The following ODAD2 variants were observed in gnomAD, a reference collection of about 807,000 sequenced individuals.
The protein encoded by ODAD2 is outer dynein arm docking complex subunit 2.
ODAD2 carries 89 observed loss-of-function variants against 106.8 expected under a neutral mutation model. The ratio of observed to expected loss-of-function variants is 0.83; its 90% CI spans 0.70 to 0.99. The LOEUF is 0.99. ODAD2 is among the 50% of genes least tolerant of loss of function. The pLI is 0.00. For synonymous variants in ODAD2, 404 were observed against 436.2 expected (o/e 0.93, Z 0.92); for missense variants, 1,168 against 1,238.5 (o/e 0.94, Z 0.85).
intron 17 of ODAD2, among the ~76,000 whole-genome samples, chr10:27,898,582 T>C (rs779818237): frequency 2.6e-5 from 4 of 152,184 alleles, no homozygotes; most frequent in Non-Finnish European, 4.4e-5. Flanking sequence ...AGATTATCCT[T>C]CAAGGATTTG....
At chr10:27,834,567 C>T (rs1403391493) in intron 19 of ODAD2, among the ~76,000 whole-genome samples, 2 of 152,032 alleles carry the variant, frequency 1.3e-5, no homozygotes, top group Non-Finnish European at 2.9e-5. Flanking sequence ...ATCCAGGGGA[C>T]TGTGCTACGA....
At chr10:27,888,463 G>A (rs1400992994) in intron 17 of ODAD2, among the ~76,000 whole-genome samples, 2 of 151,994 alleles carry the variant, frequency 1.3e-5, no homozygotes, top group Admixed American at 6.6e-5. Context: ...CTATTTGTAC[G>A]TCTTCTTTTG....
chr10:27,864,752 G>A (rs1264189561), intron 17 of ODAD2, among the ~76,000 whole-genome samples: 2 of 151,958 alleles, frequency 1.3e-5, no homozygotes, highest in Non-Finnish European at 1.5e-5. Context: ...GGGGGTGAGT[G>A]TAATGTCCAC....
chr10:27,935,221 C>G lies in ODAD2; in HGVS notation c.2284G>C (p.Val762Leu), dbSNP rs201498403. ...TCAGGCTGATCTGTTAGAAGTCCCA[C>G]CAAGGTTTCAATGGCTTTGTATTCC... ...FREYKAIETLVGLLTDQPEEV... is the reference protein window; with the variant it reads ...FREYKAIETLLGLLTDQPEEV... Residue 762 changes from valine to leucine, a missense_variant, in exon 16 of 20, where the codon GTG becomes CTG. Val to Leu is a conservative substitution (Grantham distance 32, BLOSUM62 1). Transcript: ENST00000305242. 259 of 1,613,836 alleles carry G rather than the reference C, an allele frequency of 1.6e-4. 1 individual carries two copies. Among genetic ancestry groups the G allele is most frequent in the Non-Finnish European group, 2.0e-4 (236 of 1,179,860 alleles).
Position 27,936,770 on chromosome 10 carries a change from T to G in ODAD2, c.2208A>C (p.Thr736=), listed in dbSNP as rs757741852. 2 of 1,614,082 alleles carry G rather than the reference T, an allele frequency of 1.2e-6. No individual in the cohort carries two copies. Among genetic ancestry groups the G allele is most frequent in the East Asian group, 4.5e-5 (2 of 44,882 alleles). ...TDNKERLAAV[T]GAIWKCSISK... ...TGATGGAACATTTCCATATAGCCCCTGTGACAGCAGCTAACCGCTCTTTAT... is the reference window on the plus strand; with the variant it reads ...TGATGGAACATTTCCATATAGCCCCGGTGACAGCAGCTAACCGCTCTTTAT... The change falls in exon 15 of 20, where the codon ACA becomes ACC. Residue 736 remains threonine, a synonymous_variant. Coordinates refer to ENST00000305242, the MANE Select transcript of ODAD2 (RefSeq NM_018076.5).
At chr10:27,945,254 T>A (rs1461331137) in intron 10 of ODAD2, among the ~76,000 whole-genome samples, 1 of 152,212 alleles carries the variant, frequency 6.6e-6, no homozygotes, top group Non-Finnish European at 1.5e-5. Flanking sequence ...GACTGAGGAA[T>A]GCAAGATGTA....
intron 10 of ODAD2, among the ~76,000 whole-genome samples, chr10:27,947,255 C>T (rs1234969581): frequency 6.6e-6 from 1 of 152,092 alleles, no homozygotes. Context: ...TAAGCCAGTA[C>T]TTCCATTTCC....
At chr10:27,896,075 A>G (rs746585462) in intron 17 of ODAD2, among the ~76,000 whole-genome samples, 27 of 152,210 alleles carry the variant, frequency 1.8e-4, no homozygotes, top group Non-Finnish European at 3.1e-4. Context: ...TTTTGCTCAC[A>G]TATCCCAATG....
chr10:27,938,511 CCAGTCTGTGGTATTTTGTTATGG>C (rs1846154039), intron 14 of ODAD2, among the ~76,000 whole-genome samples: 1 of 152,080 alleles, frequency 6.6e-6, no homozygotes, highest in Non-Finnish European at 1.5e-5. Flanking sequence ...TTCAAGCCAC[CCAGTCTGTGGTATTTTGTTATGG>C]CAGCCCTCCC....
At chr10:27,966,520 C>T (rs1301436049) in intron 9 of ODAD2, among the ~76,000 whole-genome samples, 1 of 152,068 alleles carries the variant, frequency 6.6e-6, no homozygotes, top group African/African-American at 2.4e-5. Flanking sequence ...CTTTAAAATG[C>T]TTTTCCTATT....
In ODAD2 at chr10:27,944,350, T is replaced by C. The variant is rs1237810719; in HGVS notation, c.1615A>G (p.Ile539Val). The C allele has an allele frequency of 2.5e-6, 4 of 1,614,062 alleles. No homozygotes were observed. The highest frequency in any genetic ancestry group is 1.7e-5 in the Admixed American group (1 of 60,028). ...GGAGAATCAAGTATATTCACCATAA[T>C]TGGTAAGCCCCCAAGGTCAACAATA... Reference protein sequence around the residue: ...QNIVDLGGLPIMVNILDSPHK... With the variant: ...QNIVDLGGLPVMVNILDSPHK... Residue 539 changes from isoleucine to valine, a missense_variant, in exon 12 of 20, where the codon ATT becomes GTT. By Grantham distance (29) the Ile-to-Val change is conservative (BLOSUM62 3). Coordinates refer to ENST00000305242, the MANE Select transcript of ODAD2 (RefSeq NM_018076.5).
At chr10:27,988,016 A>G (rs1849986999) in intron 2 of ODAD2, among the ~76,000 whole-genome samples, 1 of 150,298 alleles carries the variant, frequency 6.7e-6, no homozygotes, top group Non-Finnish European at 1.5e-5. Flanking sequence ...ACTATGAAAA[A>G]AAAAGCAAAC....
chr10:27,925,929 C>T (rs78900698), intron 16 of ODAD2, among the ~76,000 whole-genome samples: 9,197 of 150,704 alleles, frequency 0.061, 363 homozygotes, highest in East Asian at 0.18. Context: ...TTGCTTGAGC[C>T]CGGGATGCAA....
chr10:27,827,576 C>T (rs1432846778), intron 19 of ODAD2, among the ~76,000 whole-genome samples: 1 of 151,946 alleles, frequency 6.6e-6, no homozygotes, highest in Admixed American at 6.6e-5. Context: ...GGCATCACAT[C>T]CAAAATGTCA....
chr10:27,859,075 A>C (rs1394717755), intron 19 of ODAD2, among the ~76,000 whole-genome samples: 1 of 150,988 alleles, frequency 6.6e-6, no homozygotes, highest in African/African-American at 2.4e-5. Context: ...TTAAGACTGC[A>C]TACTTAGGTT....
At chr10:27,972,205 A>T (rs1848908131) in intron 7 of ODAD2, among the ~76,000 whole-genome samples, 2 of 152,156 alleles carry the variant, frequency 1.3e-5, no homozygotes, top group South Asian at 4.1e-4. Flanking sequence ...GAATTTTAGA[A>T]TTTTACTTAA....
intron 17 of ODAD2, among the ~76,000 whole-genome samples, chr10:27,869,798 G>A (rs1291708681): frequency 6.6e-6 from 1 of 152,008 alleles, no homozygotes; most frequent in Non-Finnish European, 1.5e-5. Context: ...GCCTCCCAAA[G>A]AGCTAGGATT....
chr10:27,839,661 A>C (rs1210328357), intron 19 of ODAD2, among the ~76,000 whole-genome samples: 1 of 152,176 alleles, frequency 6.6e-6, no homozygotes, highest in African/African-American at 2.4e-5. Flanking sequence ...CGCCAGAAAA[A>C]CGCTGTGGTT....
At chr10:27,832,418 A>G (rs1837547682) in intron 19 of ODAD2, among the ~76,000 whole-genome samples, 1 of 152,152 alleles carries the variant, frequency 6.6e-6, no homozygotes, top group Non-Finnish European at 1.5e-5. Flanking sequence ...CTGTCCAGGA[A>G]TATGTCACAT....
Sources: gnomAD v4.1 joint callset for allele counts (sites outside exome capture counted in the v4.1 genomes callset) on GRCh38, gnomAD v4.1.1 for gene constraint, MANE v1.5 for transcripts, NCBI Gene and HGNC (gene_info 2026-07-23, HGNC 2026-07-21) for gene names.